The following USP42 variants were observed in gnomAD, a reference collection of about 807,000 sequenced individuals.
USP42 encodes the protein ubiquitin carboxyl-terminal hydrolase 42.
USP42 carries 23 observed loss-of-function variants against 113.0 expected under a neutral mutation model. The observed-to-expected ratio is 0.20, with a 90% confidence interval of 0.15 to 0.29. The LOEUF is 0.29. Among genes scored for constraint, USP42 ranks in the 10% least tolerant of loss-of-function variants. USP42 has a pLI of 1.00. For missense variants in USP42, 2,174 were observed against 1,779.8 expected (o/e 1.22, Z -3.99); for synonymous variants, 933 against 699.0 (o/e 1.33, Z -5.28).
intron 2 of USP42, among the ~76,000 whole-genome samples, 169 bp from the exon 3 acceptor site, chr7:6,115,154 C>T (rs1348290140): frequency 6.6e-6 from 1 of 152,118 alleles, no homozygotes; most frequent in Non-Finnish European, 1.5e-5. Flanking sequence ...GAAAATTTCT[C>T]ATGTTCTGGT....
rs540194794 is a variant in USP42, at chr7:6,126,563, G to C, written c.443-9278G>C. ...GCCTCCCAAAGTGCTGGGATTACAGGCATGAGCCACTGTGCCGGCCTGATA... is the reference window on the plus strand; with the variant it reads ...GCCTCCCAAAGTGCTGGGATTACAGCCATGAGCCACTGTGCCGGCCTGATA... On this transcript the variant is annotated intron_variant, in intron 3 of 17. Transcript: ENST00000306177. Among the ~76,000 whole-genome samples the C allele has an allele frequency of 1.1e-4, 16 of 152,312 alleles. 1 individual carries two copies. The East Asian group carries it at 3.1e-3, about 29-fold the overall frequency.
chr7:6,122,683 A>G (rs1780297967), intron 3 of USP42, among the ~76,000 whole-genome samples: 1 of 151,066 alleles, frequency 6.6e-6, no homozygotes, highest in South Asian at 2.1e-4. Flanking sequence ...GTTGGCCAGG[A>G]TGGTCTCTTA....
In USP42 at chr7:6,154,871, C is replaced by T. The variant is rs948685640; in HGVS notation, c.3317C>T (p.Ala1106Val). ...CGGGGCCGTAGGGGCTGCGAGCCGG[C>T]CCGGGAGAGGGAGCGGCACCGCCCC... ...HNRGRRGCEPARERERHRPSS... is the reference protein window; with the variant it reads ...HNRGRRGCEPVRERERHRPSS... Residue 1106 changes from alanine to valine, a missense_variant, in exon 15 of 18, where the codon GCC becomes GTC. Transcript: ENST00000306177. 1 of 1,527,678 alleles carries T rather than the reference C, an allele frequency of 6.5e-7. No individual in the cohort carries two copies. The highest frequency in any genetic ancestry group is 8.8e-7 in the Non-Finnish European group (1 of 1,135,924). 94.6% of individuals were successfully genotyped at this position (1,527,678 alleles called of 1,614,324 possible). A position where few individuals can be genotyped will look rare whatever the true frequency, so the allele number is the denominator to read the frequency against.
the USP42 span, chr7:6,084,366 T>G: frequency 1.3e-5 from 2 of 151,332 alleles, no homozygotes; most frequent in East Asian, 3.9e-4. Context: ...TCCAGTAACT[T>G]TTAGTCCTTG....
At chr7:6,102,179 G>A (rs1248716202), upstream of USP42, among the ~76,000 whole-genome samples, 5 of 140,586 alleles carry the variant, frequency 3.6e-5, no homozygotes, top group Non-Finnish European at 6.0e-5. Context: ...GCAGTGTCGC[G>A]ATCTCGGCTC....
chr7:6,158,866 G>A lies in USP42; in HGVS notation c.3944-584G>A, dbSNP rs1030481463. ...CTACTGGGAGACAGTGATGGCCCCCGAGGCAGCTGGTCCAGCGGGAGGGAG... is the reference window on the plus strand; with the variant it reads ...CTACTGGGAGACAGTGATGGCCCCCAAGGCAGCTGGTCCAGCGGGAGGGAG... On this transcript the variant is annotated intron_variant, in intron 16 of 17. Transcript: ENST00000306177. The surrounding 1 kb of genome is among the most constrained non-coding windows in gnomAD (Gnocchi z 4.2). 2.0e-5 allele frequency among the ~76,000 whole-genome samples: 3 copies of A among 152,008 alleles called. No individual in the cohort carries two copies. The highest frequency in any genetic ancestry group is 7.3e-5 in the African/African-American group (3 of 41,368).
Position 6,139,006 on chromosome 7 carries a change from ATAT to A in USP42, c.554-79_554-77del. The stretch of plus-strand genomic sequence containing the variant: ...AGTATTTGGGAGTTTTCCAACCAAC[ATAT>A]TATTATAAGATATATTTTGGGGGGT... On this transcript the variant is annotated intron_variant, in intron 4 of 17. Transcript: ENST00000306177. This position sits in a 1 kb window ranked among gnomAD's most constrained non-coding sequence, Gnocchi z 4.5. The A allele has an allele frequency of 1.2e-6, 1 of 825,072 alleles. No individual in the cohort carries two copies. The highest frequency in any genetic ancestry group is 3.0e-5 in the Admixed American group (1 of 33,318). 51.1% of individuals were successfully genotyped at this position (825,072 alleles called of 1,614,324 possible). A position where few individuals can be genotyped will look rare whatever the true frequency, so the allele number is the denominator to read the frequency against.
intron 3 of USP42, among the ~76,000 whole-genome samples, chr7:6,117,808 C>T (rs925099261): frequency 5.9e-5 from 9 of 152,114 alleles, no homozygotes; most frequent in African/African-American, 2.2e-4. Context: ...TAATGCTGAA[C>T]CTCTTTTCTT....
At position 6,155,064 on chromosome 7, in the gene USP42, T is replaced by G. The variant is rs189785860; in HGVS notation, c.3510T>G (p.Ser1170Arg). ...RKRRHDSVEN[S>R]DSHVEKKARR... ...GGAGACACGACAGTGTGGAGAACAGTGACAGTCATGTTGAAAAGAAAGCCC... is the reference window on the plus strand; with the variant it reads ...GGAGACACGACAGTGTGGAGAACAGGGACAGTCATGTTGAAAAGAAAGCCC... Residue 1170 changes from serine to arginine, a missense_variant, in exon 15 of 18, where the codon AGT becomes AGG. Coordinates refer to ENST00000306177, the MANE Select transcript of USP42 (RefSeq NM_032172.3). 5.1e-6 allele frequency: 8 copies of G among 1,563,240 alleles called. No homozygotes were observed. The Admixed American group carries it at 1.5e-4, about 30-fold the overall frequency.
chr7:6,116,508 G>C (rs145858445), intron 3 of USP42: 40 of 253,014 alleles, frequency 1.6e-4, no homozygotes, highest in African/African-American at 8.3e-4. Flanking sequence ...TAATGGCTCA[G>C]ATTCATGTGT....
chr7:6,091,999 CTT>C, the USP42 span, among the ~76,000 whole-genome samples: 1 of 71,762 alleles, frequency 1.4e-5, no homozygotes, highest in Non-Finnish European at 3.4e-5. Flanking sequence ...TCTTCTTCTT[CTT>C]CTTCTTCTTC....
chr7:6,156,985 C>G lies in USP42; in HGVS notation c.3873C>G (p.Phe1291Leu), dbSNP rs1479377739. The G allele has an allele frequency of 6.2e-7, 1 of 1,613,332 alleles. No homozygotes were observed. The highest frequency in any genetic ancestry group is 2.2e-5 in the East Asian group (1 of 44,872). Residue 1291 changes from phenylalanine (F) to leucine (L), a missense_variant, in exon 16 of 18, where the codon TTC (phenylalanine) becomes TTG (leucine). Coordinates refer to ENST00000306177, the MANE Select transcript of USP42 (RefSeq NM_032172.3). ...GGPPLEGVGP[F>L]REKTKHLRME... ...CGCCTCTGGAAGGCGTCGGACCTTT[C>G]CGTGAGAAAACGAAACACTTACGGA...
the USP42 span, among the ~76,000 whole-genome samples, chr7:6,097,960 T>C: frequency 7.2e-6 from 1 of 138,534 alleles, no homozygotes; most frequent in South Asian, 2.3e-4. Context: ...GCTGGAGTGC[T>C]GTGACACAAT....
chr7:6,147,951 C>A, intron 12 of USP42, 59 bp downstream of exon 12: 1 of 1,511,074 alleles, frequency 6.6e-7, no homozygotes, highest in Non-Finnish European at 9.0e-7. Flanking sequence ...TAACTTCAAA[C>A]TCTCAAGTTG....
chr7:6,100,976 C>T (rs1790109537), upstream of USP42, among the ~76,000 whole-genome samples: 1 of 150,932 alleles, frequency 6.6e-6, no homozygotes. Context: ...CTGGTACCCA[C>T]TGTCTTAAAC....
At chr7:6,122,332 C>G (rs900437114) in intron 3 of USP42, among the ~76,000 whole-genome samples, 3 of 148,976 alleles carry the variant, frequency 2.0e-5, no homozygotes, top group African/African-American at 5.0e-5. Flanking sequence ...GTTGCCTAGG[C>G]TGGAGTGCAG....
rs1430309219 is a variant in USP42 at position 6,159,614 on chromosome 7, T to C, written c.*36+121T>C. 4 of 1,030,934 alleles carry C rather than the reference T, an allele frequency of 3.9e-6. No homozygotes were observed. The highest frequency in any genetic ancestry group is 3.1e-5 in the South Asian group (2 of 64,214). The allele number at this position is 1,030,934 out of a possible 1,614,324, so 63.9% of individuals were successfully genotyped here. On this transcript the variant is annotated intron_variant, in intron 17 of 17. Coordinates refer to ENST00000306177, the MANE Select transcript of USP42 (RefSeq NM_032172.3). This position sits in a 1 kb window ranked among gnomAD's most constrained non-coding sequence, Gnocchi z 4.1. The stretch of plus-strand genomic sequence containing the variant: ...GGGCTCATAGGAGTTGGCAGAGCCA[T>C]GGAGAGGCCCCGGCAGGTTCCCAGC...
At position 6,150,490 on chromosome 7, in the gene USP42, T is replaced by G; in HGVS notation, c.2185T>G (p.Ser729Ala). 4 of 1,613,952 alleles carry G rather than the reference T, an allele frequency of 2.5e-6. No individual in the cohort carries two copies. The highest frequency in any genetic ancestry group is 3.4e-6 in the Non-Finnish European group (4 of 1,179,864). ...TFRLSNKLKG[S>A]TDEMSAPGAE... ...CAGGCTTAGCAACAAACTGAAAGGC[T>G]CGACGGATGAAATGAGGTAACGTAA... The change falls in exon 14 of 18, where the codon TCG (serine) becomes GCG (alanine). Residue 729 changes from serine to alanine, a missense_variant. By Grantham distance (99) the Ser-to-Ala change is moderately conservative. Transcript: ENST00000306177.
At chr7:6,110,079 C>T (rs1240106396) in intron 1 of USP42, among the ~76,000 whole-genome samples, 1 of 151,956 alleles carries the variant, frequency 6.6e-6, no homozygotes, top group Non-Finnish European at 1.5e-5. Context: ...AGCGATCTGC[C>T]CACCTTGGCC....
Sources: allele counts gnomAD v4.1 joint callset (sites outside exome capture counted in the v4.1 genomes callset), GRCh38; gene constraint gnomAD v4.1.1; non-coding constraint Gnocchi (gnomAD v3.1); transcripts MANE v1.5; gene names NCBI Gene and HGNC (gene_info 2026-07-23, HGNC 2026-07-21).